The following BAG3 variants were observed in gnomAD, a reference collection of about 807,000 sequenced individuals.
BAG3 encodes the protein BAG cochaperone 3.
In BAG3, 14 loss-of-function variants were observed where a neutral mutation model predicts 40.5. The observed-to-expected ratio is 0.35, with a 90% confidence interval of 0.23 to 0.54. The LOEUF (loss-of-function observed/expected upper bound fraction) is 0.54, where lower values mean the gene tolerates loss of function less well. Ranked by LOEUF, BAG3 falls within the 20% of genes least tolerant of loss-of-function variation. The probability of loss-of-function intolerance (pLI) is 0.91; values close to 1 mark genes in which losing one functional copy is unlikely to be tolerated. For synonymous variants in BAG3, 302 were observed against 307.8 expected, an observed-to-expected ratio of 0.98 and a Z score of 0.20; for missense variants, 788 against 758.6, an observed-to-expected ratio of 1.04 and a Z score of -0.46.
intron 1 of BAG3, among the ~76,000 whole-genome samples, chr10:119,652,285 C>T (rs1021312725): frequency 4.6e-5 from 7 of 152,182 alleles, no homozygotes; most frequent in African/African-American, 1.4e-4. Context: ...GCGGCGCACC[C>T]TGCTGACCGC....
intron 1 of BAG3, among the ~76,000 whole-genome samples, chr10:119,663,526 T>C (rs1438910937): frequency 6.6e-6 from 1 of 152,070 alleles, no homozygotes; most frequent in African/African-American, 2.4e-5. Flanking sequence ...GGTCTCAAAC[T>C]CCTGGGAATG....
intron 3 of BAG3, among the ~76,000 whole-genome samples, chr10:119,675,800 C>CTG (rs1847215265): frequency 2.4e-5 from 1 of 42,014 alleles, no homozygotes; most frequent in Admixed American, 2.4e-4. Flanking sequence ...CCCCCCTTCC[C>CTG]CTTCCCCCCT....
At chr10:119,660,519 T>G (rs1325360037) in intron 1 of BAG3, among the ~76,000 whole-genome samples, 1 of 152,174 alleles carries the variant, frequency 6.6e-6, no homozygotes, top group Non-Finnish European at 1.5e-5. Flanking sequence ...TCTAACTGTC[T>G]TACTACCAAC....
At chr10:119,657,725 T>A (rs1846932282) in intron 1 of BAG3, among the ~76,000 whole-genome samples, 1 of 152,194 alleles carries the variant, frequency 6.6e-6, no homozygotes, top group Admixed American at 6.5e-5. Flanking sequence ...TCCTTACAGG[T>A]CTGGAGAAGC....
intron 2 of BAG3, 111 bp downstream of exon 2, chr10:119,670,288 G>A: frequency 8.3e-7 from 1 of 1,202,502 alleles, no homozygotes; most frequent in Admixed American, 2.8e-5. Context: ...TTCACATGCA[G>A]GGCATCTGGG....
chr10:119,676,180 T>C (rs1236500806), intron 3 of BAG3, among the ~76,000 whole-genome samples: 1 of 151,778 alleles, frequency 6.6e-6, no homozygotes, highest in Non-Finnish European at 1.5e-5. Context: ...GGGTTTCTTT[T>C]CATTGCCATT....
chr10:119,677,635 C>T lies in BAG3; in HGVS notation c.*353C>T. ...TAGATGGGGAGTCAATTACCCATCA[C>T]ATAAATATGAAACATTTATCAGAAA... On this transcript the variant is annotated 3_prime_UTR_variant, in exon 4 of 4. Transcript: ENST00000369085. 3.2e-6 allele frequency: 1 copy of T among 316,286 alleles called. No individual in the cohort carries two copies. Among genetic ancestry groups the T allele is most frequent in the Admixed American group, 4.4e-5 (1 of 22,610 alleles). The allele number at this position is 316,286 out of a possible 1,614,324, so 19.6% of individuals were successfully genotyped here. A position where few individuals can be genotyped will look rare whatever the true frequency, so the allele number is the denominator to read the frequency against.
At chr10:119,660,858 C>G (rs1030519616) in intron 1 of BAG3, among the ~76,000 whole-genome samples, 2 of 152,192 alleles carry the variant, frequency 1.3e-5, no homozygotes, top group African/African-American at 4.8e-5. Context: ...CTTTGGGAGG[C>G]TGAGGCAGGA....
At position 119,672,336 on chromosome 10, in the gene BAG3, G is replaced by A. The variant is rs750426195; in HGVS notation, c.589G>A (p.Gly197Ser). 5.6e-6 allele frequency: 9 copies of A among 1,613,900 alleles called. No individual in the cohort carries two copies. The highest frequency in any genetic ancestry group is 7.6e-6 in the Non-Finnish European group (9 of 1,179,998). ...GCCTTCCTCCGGCAGGAGCAGCCTG[G>A]GCAGTCACCAGCTCCCGCGGGGGTA... ...SLPSSGRSSL[G>S]SHQLPRGYIS... The change falls in exon 3 of 4, where the codon GGC becomes AGC. Residue 197 changes from glycine (G) to serine (S), a missense_variant. By Grantham distance (56) the Gly-to-Ser change is moderately conservative. Coordinates refer to ENST00000369085, the MANE Select transcript of BAG3 (RefSeq NM_004281.4). The surrounding 1 kb of genome is among the most constrained non-coding windows in gnomAD (Gnocchi z 4.8).
In BAG3 at chr10:119,670,097, G is replaced by A. The variant is rs772004889; in HGVS notation, c.427G>A (p.Glu143Lys). Residue 143 changes from glutamate to lysine, a missense_variant, in exon 2 of 4, where the codon GAA (glutamate) becomes AAA (lysine). Physicochemically the swap from Glu to Lys is moderately conservative, Grantham distance 56 (BLOSUM62 1). Coordinates refer to ENST00000369085, the MANE Select transcript of BAG3 (RefSeq NM_004281.4). ...RSQSPLRGMP[E>K]TTQPDKQCGQ... ...CCAGTCACCTCTGCGGGGCATGCCA[G>A]AAACCACTCAGCCAGATAAACAGTG... 2 of 1,613,690 alleles carry A rather than the reference G, an allele frequency of 1.2e-6. No homozygotes were observed. The highest frequency in any genetic ancestry group is 1.7e-6 in the Non-Finnish European group (2 of 1,179,614).
intron 1 of BAG3, among the ~76,000 whole-genome samples, chr10:119,662,228 T>G (rs1156376164): frequency 9.7e-5 from 14 of 144,486 alleles, no homozygotes; most frequent in South Asian, 6.6e-4. Context: ...TTTTTTTTGT[T>G]TTTTTTTTTT....
At chr10:119,662,172 T>C (rs2577338) in intron 1 of BAG3, among the ~76,000 whole-genome samples, 104,636 of 149,678 alleles carry the variant, frequency 0.7, 36,920 homozygotes, top group Middle Eastern at 0.74. Context: ...CTCAGCCTCC[T>C]GAGTACCTGG....
rs1168264528 is a variant in BAG3 at position 119,651,616 on chromosome 10, ACT to A, written c.-58_-57del. 22 of 1,411,146 alleles carry A rather than the reference ACT, an allele frequency of 1.6e-5. No homozygotes were observed. The highest frequency in any genetic ancestry group is 2.0e-5 in the Non-Finnish European group (22 of 1,076,098). The allele number at this position is 1,411,146 out of a possible 1,614,324, so 87.4% of individuals were successfully genotyped here. On this transcript the variant is annotated 5_prime_UTR_variant, in exon 1 of 4. Coordinates refer to ENST00000369085, the MANE Select transcript of BAG3 (RefSeq NM_004281.4). ...GCCCACGGCGGCGGCCCGGCCAGAGACTCGGCGCCCGGAGCCAGCGCCCCGCA... is the reference window on the plus strand; with the variant it reads ...GCCCACGGCGGCGGCCCGGCCAGAGACGGCGCCCGGAGCCAGCGCCCCGCA...
intron 1 of BAG3, among the ~76,000 whole-genome samples, chr10:119,662,079 A>C (rs1423340568): frequency 4.0e-5 from 6 of 151,544 alleles, no homozygotes; most frequent in Admixed American, 3.9e-4. Flanking sequence ...TCAGAGCCTC[A>C]CTCTCTTGCC....
chr10:119,662,228 T>TG (rs1415690877), intron 1 of BAG3, among the ~76,000 whole-genome samples: 1 of 144,486 alleles, frequency 6.9e-6, no homozygotes, highest in African/African-American at 2.6e-5. Context: ...TTTTTTTTGT[T>TG]TTTTTTTTTT....
chr10:119,660,602 T>C (rs1236740270), intron 1 of BAG3, among the ~76,000 whole-genome samples: 1 of 152,066 alleles, frequency 6.6e-6, no homozygotes, highest in Non-Finnish European at 1.5e-5. Context: ...TCCCAGCACT[T>C]TGGGAGGCCG....
rs79923320 is a variant in BAG3 at position 119,654,363 on chromosome 10, C to T, written c.180+2508C>T. ...CATTGAGCATGAGGAGCTCAAGAGA[C>T]GACCTCTCTTTTGGGGGAGGACTCA... On this transcript the variant is annotated intron_variant, in intron 1 of 3. Coordinates refer to ENST00000369085, the MANE Select transcript of BAG3 (RefSeq NM_004281.4). 2.4e-3 allele frequency among the ~76,000 whole-genome samples: 360 copies of T among 152,270 alleles called. 1 individual carries two copies. The highest frequency in any genetic ancestry group is 0.01 in the Middle Eastern group (3 of 294).
chr10:119,662,234 T>G (rs1847004111), intron 1 of BAG3, among the ~76,000 whole-genome samples: 1 of 144,762 alleles, frequency 6.9e-6, no homozygotes, highest in African/African-American at 2.6e-5. Context: ...TTGTTTTTTT[T>G]TTTTTTGTAT....
intron 1 of BAG3, among the ~76,000 whole-genome samples, chr10:119,664,997 C>T (rs1847038831): frequency 6.6e-6 from 1 of 151,630 alleles, no homozygotes. Flanking sequence ...TAGCTCACTG[C>T]AACCTCCGCC....
Sources: gnomAD v4.1 joint callset for allele counts (sites outside exome capture counted in the v4.1 genomes callset) on GRCh38, gnomAD v4.1.1 for gene constraint, Gnocchi (gnomAD v3.1) non-coding constraint, MANE v1.5 for transcripts, NCBI Gene and HGNC (gene_info 2026-07-23, HGNC 2026-07-21) for gene names.